Variants in LRBA observed in about 807,000 individuals in gnomAD.
The protein encoded by LRBA is LPS responsive beige-like anchor protein.
In LRBA, 176 loss-of-function variants were observed where a neutral mutation model predicts 330.0. The ratio of observed to expected loss-of-function variants is 0.53; its 90% CI spans 0.47 to 0.60. LRBA has a LOEUF of 0.60. Ranked by LOEUF, LRBA falls within the 20% of genes least tolerant of loss-of-function variation. LRBA has a pLI of 0.00. For synonymous variants in LRBA, 1,230 were observed against 1,193.0 expected (o/e 1.03, Z -0.64); for missense variants, 3,259 against 3,444.8 (o/e 0.95, Z 1.35).
At position 150,596,999 on chromosome 4, in the gene LRBA, T is replaced by G; in HGVS notation, c.6046+2008A>C. ...CTACACATTTAGATTTTTAAACATA[T>G]ATTTCAAACGCAAGTTTTGTTTTTA... On this transcript the variant is annotated intron_variant, in intron 38 of 56. Transcript: ENST00000651943. 4 of 674,124 alleles carry G rather than the reference T, an allele frequency of 5.9e-6. No homozygotes were observed. In the South Asian group the frequency reaches 8.0e-5, roughly 13 times the overall value. The allele number at this position is 674,124 out of a possible 1,614,324, so 41.8% of individuals were successfully genotyped here.
At chr4:150,431,653 A>AT (rs893736079) in intron 46 of LRBA, among the ~76,000 whole-genome samples, 82 of 151,716 alleles carry the variant, frequency 5.4e-4, no homozygotes, top group Non-Finnish European at 1.9e-4. Flanking sequence ...ATTAAAATTA[A>AT]TTTTTTTTTA....
rs1218193505 is a variant in LRBA, at chr4:150,707,158, A to C, written c.5755-23441T>G. On this transcript the variant is annotated intron_variant, in intron 36 of 56. Coordinates refer to ENST00000651943, the MANE Select transcript of LRBA (RefSeq NM_001364905.1). ...CTAACAGTGGTTTTCTGTAAGGATA[A>C]GGGGTGGAAGGCATCCTGGAAGAGA... Among the ~76,000 whole-genome samples, 4 of 151,726 alleles carry C rather than the reference A, an allele frequency of 2.6e-5. No homozygotes were observed. The East Asian group carries it at 7.7e-4, about 29-fold the overall frequency.
intron 56 of LRBA, among the ~76,000 whole-genome samples, chr4:150,270,712 G>A (rs1200505158): frequency 6.6e-6 from 1 of 152,090 alleles, no homozygotes; most frequent in Non-Finnish European, 1.5e-5. Flanking sequence ...AAAAATGAGT[G>A]ACTATACGTT....
At chr4:150,402,913 CT>C (rs1189066402) in intron 47 of LRBA, among the ~76,000 whole-genome samples, 369 of 150,908 alleles carry the variant, frequency 2.4e-3, no homozygotes, top group African/African-American at 8.0e-3. Context: ...CTTCCTTTTT[CT>C]TTTTTTTTGG....
rs530257146 is a variant in LRBA at position 150,823,853 on chromosome 4, A to G, written c.5171+4327T>C. Among the ~76,000 whole-genome samples, 7 of 151,962 alleles carry G rather than the reference A, an allele frequency of 4.6e-5. No individual in the cohort carries two copies. The South Asian group carries it at 1.5e-3, about 32-fold the overall frequency. On this transcript the variant is annotated intron_variant, in intron 30 of 56. Transcript: ENST00000651943. ...ACAGTATCATGCTGTTTTGGTTACCATAGCTCTGTAGTATAATTTGAAGTT... is the reference window on the plus strand; with the variant it reads ...ACAGTATCATGCTGTTTTGGTTACCGTAGCTCTGTAGTATAATTTGAAGTT...
Position 150,808,346 on chromosome 4 carries a change from A to C in LRBA, c.5358T>G (p.Val1786=), listed in dbSNP as rs1743107292. The C allele has an allele frequency of 6.2e-7, 1 of 1,612,458 alleles. No individual in the cohort carries two copies. The highest frequency in any genetic ancestry group is 8.5e-7 in the Non-Finnish European group (1 of 1,179,034). Residue 1786 remains valine, a synonymous_variant, in exon 32 of 57, where the codon GTT becomes GTG. Transcript: ENST00000651943. ...KLPSVPTVDS[V]SQDPVSNMSI... ...TCATATTTGAAACCGGATCTTGTGA[A>C]ACTGAATCAACTGTTGGAACTGAGG...
At chr4:150,915,056 T>C (rs1272938253) in intron 8 of LRBA, among the ~76,000 whole-genome samples, 7 of 152,128 alleles carry the variant, frequency 4.6e-5, no homozygotes, top group Non-Finnish European at 8.8e-5. Context: ...AAAATATGTA[T>C]ATATGTGTAG....
At chr4:150,677,984 A>G (rs1343314183) in intron 37 of LRBA, among the ~76,000 whole-genome samples, 1 of 152,124 alleles carries the variant, frequency 6.6e-6, no homozygotes, top group Non-Finnish European at 1.5e-5. Flanking sequence ...TCACACCCAT[A>G]ATCCTAGCAC....
At chr4:150,685,407 TATATATATATA>T (rs1561513730) in intron 36 of LRBA, among the ~76,000 whole-genome samples, 9 of 18,000 alleles carry the variant, frequency 5.0e-4, no homozygotes, top group African/African-American at 1.2e-3. Context: ...TATATATATA[TATATATATATA>T]TATTTTTTTT....
intron 40 of LRBA, among the ~76,000 whole-genome samples, chr4:150,551,675 A>T (rs1226664550): frequency 1.0e-5 from 1 of 97,230 alleles, no homozygotes; most frequent in African/African-American, 3.9e-5. Context: ...CTCAAAAAAT[A>T]AAAAAAAAAG....
At position 150,844,429 on chromosome 4, in the gene LRBA, G is replaced by A. The variant is rs984371614; in HGVS notation, c.4462-222C>T. On this transcript the variant is annotated intron_variant, in intron 27 of 56. Coordinates refer to ENST00000651943, the MANE Select transcript of LRBA (RefSeq NM_001364905.1). Reference sequence around the variant, plus strand: ...AAAAATGACATATTTGAAGGAAAAGGCATCACAGAAACAATCAAAGTAAAC... The same window carrying A: ...AAAAATGACATATTTGAAGGAAAAGACATCACAGAAACAATCAAAGTAAAC... Among the ~76,000 whole-genome samples the A allele has an allele frequency of 3.9e-5, 6 of 152,068 alleles. No individual in the cohort carries two copies. In the East Asian group the frequency reaches 5.8e-4, roughly 15 times the overall value.
chr4:150,924,429 C>T (rs1733660667), intron 4 of LRBA, among the ~76,000 whole-genome samples: 1 of 151,934 alleles, frequency 6.6e-6, no homozygotes, highest in Non-Finnish European at 1.5e-5. Flanking sequence ...GGGAGGATTG[C>T]TTGACCCAGG....
At chr4:150,374,427 G>A (rs1740920620) in intron 47 of LRBA, among the ~76,000 whole-genome samples, 1 of 152,116 alleles carries the variant, frequency 6.6e-6, no homozygotes, top group African/African-American at 2.4e-5. Flanking sequence ...CTATGAAGTA[G>A]ACCCACCTTG....
chr4:150,281,202 CATT>C (rs773457918), intron 55 of LRBA, among the ~76,000 whole-genome samples: 2 of 152,128 alleles, frequency 1.3e-5, no homozygotes, highest in Non-Finnish European at 2.9e-5. Context: ...AGATTATCCA[CATT>C]ATTATTGTAA....
chr4:150,962,513 T>C (rs1738258948), intron 2 of LRBA, among the ~76,000 whole-genome samples: 1 of 145,776 alleles, frequency 6.9e-6, no homozygotes, highest in Admixed American at 6.7e-5. Context: ...GTGAGATGGA[T>C]AAATACCAGA....
In LRBA at chr4:150,503,967, C is replaced by T. The variant is rs914878060; in HGVS notation, c.6331-12932G>A. ...AATGCACAAGCCTCAGTAGCCGATG[C>T]GATCAACTGGAAGAAAGGGTATCAG... is the stretch of plus-strand genomic sequence containing the variant. On this transcript the variant is annotated intron_variant, in intron 40 of 56. Coordinates refer to ENST00000651943, the MANE Select transcript of LRBA (RefSeq NM_001364905.1). Among the ~76,000 whole-genome samples, 33 of 152,166 alleles carry T rather than the reference C, an allele frequency of 2.2e-4. No homozygotes were observed. In the East Asian group the frequency reaches 3.3e-3, roughly 15 times the overall value.
intron 29 of LRBA, among the ~76,000 whole-genome samples, chr4:150,829,352 G>A (rs190427009): frequency 6.6e-6 from 1 of 152,250 alleles, no homozygotes; most frequent in Admixed American, 6.5e-5. Context: ...TTAAAATCCA[G>A]TTCAACAAGG....
intron 34 of LRBA, among the ~76,000 whole-genome samples, chr4:150,781,170 C>G (rs1462365503): frequency 1.3e-5 from 2 of 152,280 alleles, no homozygotes; most frequent in Middle Eastern, 3.4e-3. Flanking sequence ...TGAGCCACCA[C>G]GCCCGGCCGT....
At chr4:150,407,682 C>T (rs1746394298) in intron 47 of LRBA, among the ~76,000 whole-genome samples, 1 of 152,086 alleles carries the variant, frequency 6.6e-6, no homozygotes, top group Non-Finnish European at 1.5e-5. Context: ...ACAGTATGCT[C>T]TCCAATCACA....
Sources: allele counts gnomAD v4.1 joint callset (sites outside exome capture counted in the v4.1 genomes callset), GRCh38; gene constraint gnomAD v4.1.1; transcripts MANE v1.5; gene names NCBI Gene and HGNC (gene_info 2026-07-23, HGNC 2026-07-21).